The following DHRS4L2 variants were observed in gnomAD, a reference collection of about 807,000 sequenced individuals.
DHRS4L2 encodes dehydrogenase/reductase 4 like 2.
DHRS4L2 carries 22 observed loss-of-function variants against 23.9 expected under a neutral mutation model. That is an observed-to-expected ratio of 0.92 (90% CI 0.66 to 1.31). The LOEUF is 1.31. Ranked by LOEUF, DHRS4L2 falls within the 40% of genes most tolerant of loss-of-function variation. The pLI is 0.00. For synonymous variants in DHRS4L2, 141 were observed against 123.7 expected, an observed-to-expected ratio of 1.14 and a Z score of -0.93; for missense variants, 385 against 303.3, an observed-to-expected ratio of 1.27 and a Z score of -2.00.
At chr14:23,992,072 G>T (rs1387045596) in intron 2 of DHRS4L2, among the ~76,000 whole-genome samples, 1 of 151,608 alleles carries the variant, frequency 6.6e-6, no homozygotes, top group African/African-American at 2.4e-5. Context: ...ACCTTAAAAG[G>T]ATATGGCCTC....
Position 24,005,970 on chromosome 14 carries a change from G to A in DHRS4L2, c.*107G>A, listed in dbSNP as rs550513955. 610 of 1,611,234 alleles carry A rather than the reference G, an allele frequency of 3.8e-4. 1 individual carries two copies. Among genetic ancestry groups the A allele is most frequent in the Admixed American group, 5.7e-4 (34 of 59,760 alleles). ...GCTACATCACTGGGGAAACAGTGGT[G>A]GTGGGTGGAGGAACCCCGTCCCGCC... On this transcript the variant is annotated 3_prime_UTR_variant, in exon 8 of 8. Coordinates refer to ENST00000335125, the MANE Select transcript of DHRS4L2 (RefSeq NM_198083.4).
At chr14:23,993,777 C>T (rs961773181) in intron 2 of DHRS4L2, among the ~76,000 whole-genome samples, 2 of 151,604 alleles carry the variant, frequency 1.3e-5, no homozygotes, top group Non-Finnish European at 2.9e-5. Flanking sequence ...ACATCATAAC[C>T]AAATATGGAA....
rs781587428 is a variant in DHRS4L2 at position 24,004,377 on chromosome 14, C to T, written c.*7C>T. Reference sequence around the variant, plus strand: ...GAAAAAGAGGAAAGCATGAAAGAAACCCTGCGGATAAGAAGGTAAACTGTC... The same window carrying T: ...GAAAAAGAGGAAAGCATGAAAGAAATCCTGCGGATAAGAAGGTAAACTGTC... On this transcript the variant is annotated 3_prime_UTR_variant, in exon 7 of 8. Coordinates refer to ENST00000335125, the MANE Select transcript of DHRS4L2 (RefSeq NM_198083.4). The T allele has an allele frequency of 1.2e-6, 2 of 1,602,458 alleles. No individual in the cohort carries two copies. The highest frequency in any genetic ancestry group is 1.7e-6 in the Non-Finnish European group (2 of 1,178,124).
At chr14:23,997,900 G>A (rs1310547451) in intron 3 of DHRS4L2, among the ~76,000 whole-genome samples, 1 of 151,768 alleles carries the variant, frequency 6.6e-6, no homozygotes, top group Non-Finnish European at 1.5e-5. Flanking sequence ...TTTACAGAAG[G>A]TTTTCAGTTA....
chr14:24,004,199 G>A, intron 6 of DHRS4L2, 138 bp from the exon 7 acceptor site: 2 of 868,236 alleles, frequency 2.3e-6, no homozygotes, highest in South Asian at 3.8e-5. Flanking sequence ...AACCCGGGAG[G>A]CGGAGTTTGC....
chr14:24,001,240 G>T (rs1421804160), intron 5 of DHRS4L2, 144 bp from the exon 6 acceptor site: 9 of 1,572,950 alleles, frequency 5.7e-6, no homozygotes, highest in Non-Finnish European at 4.3e-6. Context: ...CCATAACCTA[G>T]GGGAGGTTTA....
chr14:23,972,375 T>C (rs111655248), intron 1 of DHRS4L2, among the ~76,000 whole-genome samples: 1 of 151,876 alleles, frequency 6.6e-6, no homozygotes, highest in East Asian at 1.9e-4. Context: ...TCCTCCTGTC[T>C]GGAGTTGTTC....
chr14:24,000,040 T>C (rs951944789), intron 3 of DHRS4L2, among the ~76,000 whole-genome samples: 5 of 139,646 alleles, frequency 3.6e-5, no homozygotes, highest in Admixed American at 6.8e-5. Flanking sequence ...TTTTGTTCTT[T>C]GTAATTTTTG....
rs745822765 is a variant in DHRS4L2 at position 23,981,021 on chromosome 14, C to G, written c.-175-9161C>G. ...AGGAAAAGAGGAAGTCAAATTGTCT[C>G]TGTTTGCAGATGACATGATTGTATA... On this transcript the variant is annotated intron_variant, in intron 1 of 5. Transcript: ENST00000534993. Among the ~76,000 whole-genome samples, 26 of 151,892 alleles carry G rather than the reference C, an allele frequency of 1.7e-4. 2 individuals are homozygous for G. The highest frequency in any genetic ancestry group is 2.9e-4 in the Non-Finnish European group (20 of 67,934).
intron 1 of DHRS4L2, among the ~76,000 whole-genome samples, chr14:23,989,323 C>T (rs1270774323): frequency 6.6e-6 from 1 of 151,682 alleles, no homozygotes; most frequent in Non-Finnish European, 1.5e-5. Context: ...CGATCTAGTC[C>T]CCCCAGTGTT....
At chr14:23,979,277 AC>A (rs2138514441) in intron 1 of DHRS4L2, among the ~76,000 whole-genome samples, 1 of 143,604 alleles carries the variant, frequency 7.0e-6, no homozygotes, top group South Asian at 2.3e-4. Context: ...ATACAGGAGC[AC>A]CCAGATTCAT....
At chr14:24,000,402 A>C (rs2034462456) in intron 3 of DHRS4L2, among the ~76,000 whole-genome samples, 1 of 151,100 alleles carries the variant, frequency 6.6e-6, no homozygotes, top group Non-Finnish European at 1.5e-5. Flanking sequence ...TAGAGGGCCA[A>C]GAACATCTCA....
rs1017110784 is a variant in DHRS4L2, at chr14:23,976,409, C to A, written c.-176+6077C>A. On this transcript the variant is annotated intron_variant, in intron 1 of 5. Transcript: ENST00000534993. ...GCAAAGCAAAACCACAATGAGATAC[C>A]ATCTCACAACACTTAGAATGGCAAC... is the stretch of plus-strand genomic sequence containing the variant. Among the ~76,000 whole-genome samples, 51 of 151,842 alleles carry A rather than the reference C, an allele frequency of 3.4e-4. 1 individual carries two copies. The highest frequency in any genetic ancestry group is 5.9e-4 in the Non-Finnish European group (40 of 67,934).
chr14:23,996,537 T>C (rs1421545715), intron 3 of DHRS4L2, among the ~76,000 whole-genome samples: 1 of 150,780 alleles, frequency 6.6e-6, no homozygotes, highest in East Asian at 2.0e-4. Flanking sequence ...TCAAAATAAC[T>C]TCTCTTTCTT....
At chr14:23,971,294 A>G (rs1029495979) in intron 1 of DHRS4L2, among the ~76,000 whole-genome samples, 3 of 152,094 alleles carry the variant, frequency 2.0e-5, no homozygotes, top group Admixed American at 1.3e-4. Context: ...TGAAGAATGT[A>G]GAGAAGAGCT....
intron 3 of DHRS4L2, among the ~76,000 whole-genome samples, chr14:23,997,514 C>T (rs2034403467): frequency 7.4e-6 from 1 of 134,460 alleles, no homozygotes; most frequent in African/African-American, 3.1e-5. Context: ...TCAAACTCTA[C>T]CACTGCTTAC....
upstream of DHRS4L2, among the ~76,000 whole-genome samples, chr14:23,987,663 C>A (rs1769957680): frequency 6.9e-6 from 1 of 144,432 alleles, no homozygotes; most frequent in Non-Finnish European, 1.5e-5. Flanking sequence ...AAAACACTAA[C>A]ACACACACAC....
intron 1 of DHRS4L2, among the ~76,000 whole-genome samples, chr14:23,978,978 C>A (rs1282277216): frequency 2.1e-5 from 3 of 143,226 alleles, no homozygotes; most frequent in Non-Finnish European, 4.5e-5. Context: ...GGCTAAGTGC[C>A]CCAAGTAAAA....
intron 2 of DHRS4L2, among the ~76,000 whole-genome samples, chr14:23,993,897 T>C (rs888656615): frequency 6.6e-6 from 1 of 151,748 alleles, no homozygotes; most frequent in African/African-American, 2.4e-5. Context: ...AGCTCTGTGC[T>C]ACAAAGTGGG....
Sources: allele counts gnomAD v4.1 joint callset (sites outside exome capture counted in the v4.1 genomes callset), GRCh38; gene constraint gnomAD v4.1.1; transcripts MANE v1.5; gene names NCBI Gene and HGNC (gene_info 2026-07-23, HGNC 2026-07-21).